The following MLLT3 variants were observed in gnomAD, a reference collection of about 807,000 sequenced individuals.
MLLT3 encodes MLLT3 super elongation complex subunit, also known as protein AF-9.
In MLLT3, 4 loss-of-function variants were observed where a neutral mutation model predicts 53.2. The ratio of observed to expected loss-of-function variants is 0.08; its 90% CI spans 0.04 to 0.17. The LOEUF (loss-of-function observed/expected upper bound fraction) is 0.17. Among genes scored for constraint, MLLT3 ranks in the 10% least tolerant of loss-of-function variants. MLLT3 has a pLI of 1.00. For synonymous variants in MLLT3, 283 were observed against 230.6 expected (o/e 1.23, Z -2.06); for missense variants, 569 against 684.0 (o/e 0.83, Z 1.87).
intron 2 of MLLT3, among the ~76,000 whole-genome samples, chr9:20,608,380 G>C (rs1820618523): frequency 6.6e-6 from 1 of 151,830 alleles, no homozygotes; most frequent in African/African-American, 2.4e-5. Context: ...GGAAAAAAGG[G>C]CCAGAACTTT....
At chr9:20,532,007 C>G (rs529310347) in intron 2 of MLLT3, among the ~76,000 whole-genome samples, 3 of 151,944 alleles carry the variant, frequency 2.0e-5, no homozygotes, top group African/African-American at 4.8e-5. Context: ...TAGTGACAGA[C>G]AGCACTATTC....
chr9:20,390,065 C>T (rs956915715), intron 5 of MLLT3, among the ~76,000 whole-genome samples: 1 of 152,076 alleles, frequency 6.6e-6, no homozygotes, highest in Non-Finnish European at 1.5e-5. Context: ...TTATGAGAAG[C>T]AACCAAGGGA....
In MLLT3 at chr9:20,591,152, C is replaced by G. The variant is rs59195355; in HGVS notation, c.193+29502G>C. Among the ~76,000 whole-genome samples, 379 of 152,252 alleles carry G rather than the reference C, an allele frequency of 2.5e-3. 1 individual carries two copies. Among genetic ancestry groups the G allele is most frequent in the African/African-American group, 8.9e-3 (371 of 41,550 alleles). ...TAGTGGCATTCTGAATTTATTGGAC[C>G]TATTTTTTGAATCTAGTTTTATTGT... On this transcript the variant is annotated intron_variant, in intron 2 of 10. Transcript: ENST00000380338.
chr9:20,515,399 C>T (rs1259656859), intron 2 of MLLT3, among the ~76,000 whole-genome samples: 1 of 152,104 alleles, frequency 6.6e-6, no homozygotes, highest in African/African-American at 2.4e-5. Flanking sequence ...GGCATACTTG[C>T]GGGACCTGGT....
At chr9:20,388,553 A>T (rs1227487572) in intron 5 of MLLT3, among the ~76,000 whole-genome samples, 1 of 152,200 alleles carries the variant, frequency 6.6e-6, no homozygotes, top group Non-Finnish European at 1.5e-5. Flanking sequence ...GTGCCACTGC[A>T]CTATGGCCTG....
intron 5 of MLLT3, among the ~76,000 whole-genome samples, chr9:20,385,444 T>G (rs1276428309): frequency 6.6e-6 from 1 of 152,200 alleles, no homozygotes; most frequent in African/African-American, 2.4e-5. Context: ...AGGATTATGG[T>G]GCTTTTTATT....
chr9:20,393,797 A>G (rs1238977183), intron 5 of MLLT3, among the ~76,000 whole-genome samples: 1 of 152,186 alleles, frequency 6.6e-6, no homozygotes, highest in Non-Finnish European at 1.5e-5. Flanking sequence ...AGAACAGGTA[A>G]AACTATTTTA....
intron 5 of MLLT3, among the ~76,000 whole-genome samples, chr9:20,374,334 C>T (rs959040607): frequency 1.1e-4 from 17 of 152,294 alleles, no homozygotes; most frequent in African/African-American, 3.6e-4. Context: ...CAGTGAGCTA[C>T]GGCTATGCCA....
chr9:20,524,820 A>G (rs1317299974), intron 2 of MLLT3, among the ~76,000 whole-genome samples: 1 of 152,036 alleles, frequency 6.6e-6, no homozygotes, highest in Non-Finnish European at 1.5e-5. Flanking sequence ...CACCCCCTCT[A>G]CCTTGCTTGT....
rs185509000 is a variant in MLLT3, at chr9:20,456,669, G to A, written c.276+35C>T. The A allele has an allele frequency of 2.8e-4, 396 of 1,402,952 alleles. 1 individual carries two copies. Among genetic ancestry groups the A allele is most frequent in the Middle Eastern group, 1.8e-3 (10 of 5,644 alleles). 86.9% of individuals were successfully genotyped at this position (1,402,952 alleles called of 1,614,324 possible). A position where few individuals can be genotyped will look rare whatever the true frequency, so the allele number is the denominator to read the frequency against. The stretch of plus-strand genomic sequence containing the variant: ...AACATCATTTGGCTAATGGTGGATC[G>A]TCTACTGAAAGATTAATGGGTAAAG... On this transcript the variant is annotated intron_variant, in intron 3 of 10. Transcript: ENST00000380338.
rs1286562528 is a variant in MLLT3, at chr9:20,621,121, G to A, written c.13-287C>T. On this transcript the variant is annotated intron_variant, in intron 1 of 10. Transcript: ENST00000380338. This position sits in a 1 kb window ranked among gnomAD's most constrained non-coding sequence, Gnocchi z 7.0. ...GTCGGGAAGGGGGTCGGGGAAAAGA[G>A]GGAGAACACACTCAGCCACGACAAG... 1.3e-5 allele frequency among the ~76,000 whole-genome samples: 2 copies of A among 152,200 alleles called. No homozygotes were observed. The highest frequency in any genetic ancestry group is 2.9e-5 in the Non-Finnish European group (2 of 68,034).
intron 2 of MLLT3, among the ~76,000 whole-genome samples, chr9:20,540,845 G>C (rs554535818): frequency 1.3e-5 from 2 of 152,136 alleles, no homozygotes; most frequent in Non-Finnish European, 2.9e-5. Context: ...TCTTTTCTAC[G>C]ACATGGTCAG....
chr9:20,466,548 A>G (rs1033542049), intron 2 of MLLT3, among the ~76,000 whole-genome samples: 2 of 152,172 alleles, frequency 1.3e-5, no homozygotes, highest in African/African-American at 4.8e-5. Flanking sequence ...TGACTATAGA[A>G]GTGAGAAACA....
At chr9:20,464,890 C>G (rs1247680735) in intron 2 of MLLT3, among the ~76,000 whole-genome samples, 2 of 152,108 alleles carry the variant, frequency 1.3e-5, no homozygotes, top group African/African-American at 4.8e-5. Flanking sequence ...ATAACCCACA[C>G]AGGTCTGGCT....
rs1418661384 is a variant in MLLT3 at position 20,621,976 on chromosome 9, A to AGAGGCGAGGAGGGAGG, written c.12+253_12+268dup. The AGAGGCGAGGAGGGAGG allele has an allele frequency of 1.5e-6, 2 of 1,376,484 alleles. No individual in the cohort carries two copies. The highest frequency in any genetic ancestry group is 3.0e-5 in the East Asian group (1 of 33,170). 85.3% of individuals were successfully genotyped at this position (1,376,484 alleles called of 1,614,324 possible). Reference sequence around the variant, plus strand: ...GTGAGTGCGCTTCTTGTGACTGCAAAGAGGCGAGGAGGGAGGGAGGCGCGG... The same window carrying AGAGGCGAGGAGGGAGG: ...GTGAGTGCGCTTCTTGTGACTGCAAAGAGGCGAGGAGGGAGGGAGGCGAGGAGGGAGGGAGGCGCGG... On this transcript the variant is annotated intron_variant, in intron 1 of 10. Transcript: ENST00000380338. This position sits in a 1 kb window ranked among gnomAD's most constrained non-coding sequence, Gnocchi z 7.0.
intron 2 of MLLT3, among the ~76,000 whole-genome samples, chr9:20,530,850 C>T (rs1052275459): frequency 3.3e-5 from 5 of 152,082 alleles, no homozygotes; most frequent in African/African-American, 1.2e-4. Context: ...AGCTTGGTCT[C>T]GAACTACTTA....
chr9:20,440,283 C>T (rs1477407761), intron 4 of MLLT3, among the ~76,000 whole-genome samples: 1 of 152,070 alleles, frequency 6.6e-6, no homozygotes, highest in Admixed American at 6.6e-5. Context: ...GCTATATCCC[C>T]TGTGGTAATG....
chr9:20,433,249 A>C (rs891292968), intron 4 of MLLT3, among the ~76,000 whole-genome samples: 50 of 152,164 alleles, frequency 3.3e-4, no homozygotes, highest in African/African-American at 1.2e-3. Context: ...TTTATAGAAA[A>C]AGGTTAAAAA....
intron 2 of MLLT3, among the ~76,000 whole-genome samples, chr9:20,602,799 G>C (rs1378240522): frequency 9.2e-6 from 1 of 108,484 alleles, no homozygotes; most frequent in African/African-American, 3.2e-5. Context: ...CACACACACA[G>C]CATATGCACA....
Sources: gnomAD v4.1 joint callset for allele counts (sites outside exome capture counted in the v4.1 genomes callset) on GRCh38, gnomAD v4.1.1 for gene constraint, Gnocchi (gnomAD v3.1) non-coding constraint, MANE v1.5 for transcripts, NCBI Gene and HGNC (gene_info 2026-07-23, HGNC 2026-07-21) for gene names.